The following SAA2 variants were observed in gnomAD, a reference collection of about 807,000 sequenced individuals.
The protein encoded by SAA2 is serum amyloid A2, also known as serum amyloid A-2 protein.
In SAA2, 5 loss-of-function variants were observed where a neutral mutation model predicts 9.1. The observed-to-expected ratio is 0.55, with a 90% CI of 0.29 to 1.16. SAA2 has a LOEUF of 1.16. Ranked by LOEUF, SAA2 falls within the 50% of genes most tolerant of loss-of-function variation. The probability of loss-of-function intolerance (pLI) is 0.09; values close to 1 mark genes in which losing one functional copy is unlikely to be tolerated. For synonymous variants in SAA2, 49 were observed against 59.8 expected, an observed-to-expected ratio of 0.82 and a Z score of 0.83; for missense variants, 94 against 153.8, an observed-to-expected ratio of 0.61 and a Z score of 2.06.
chr11:18,240,593 T>C (rs929728817), downstream of SAA2, among the ~76,000 whole-genome samples: 1 of 152,196 alleles, frequency 6.6e-6, no homozygotes, highest in Non-Finnish European at 1.5e-5. Context: ...AACCAACTGA[T>C]CTTTGACAAA....
chr11:18,243,706 C>T (rs1168311412), downstream of SAA2, among the ~76,000 whole-genome samples: 1 of 152,188 alleles, frequency 6.6e-6, no homozygotes, highest in African/African-American at 2.4e-5. Context: ...TATATCCATA[C>T]ATTTTCTTCC....
downstream of SAA2, among the ~76,000 whole-genome samples, chr11:18,240,571 C>T (rs959340484): frequency 2.6e-5 from 4 of 152,114 alleles, no homozygotes; most frequent in African/African-American, 9.7e-5. Context: ...AAAAATAAAA[C>T]CCCATACATA....
Position 18,245,359 on chromosome 11 carries a change from G to A in SAA2, c.*18C>T, listed in dbSNP as rs1182746350. ...GGCCTCATAGCCAGGTCTCCTGAGAGCAGAGTGAAGAGGAAGCTCAGTATT... is the reference window on the plus strand; with the variant it reads ...GGCCTCATAGCCAGGTCTCCTGAGAACAGAGTGAAGAGGAAGCTCAGTATT... On this transcript the variant is annotated 3_prime_UTR_variant, in exon 4 of 4. Transcript: ENST00000256733. 6.2e-7 allele frequency: 1 copy of A among 1,613,978 alleles called. No individual in the cohort carries two copies. Among genetic ancestry groups the A allele is most frequent in the Non-Finnish European group, 8.5e-7 (1 of 1,179,998 alleles).
downstream of SAA2, among the ~76,000 whole-genome samples, chr11:18,243,283 C>A (rs1233643082): frequency 6.6e-6 from 1 of 152,118 alleles, no homozygotes; most frequent in Non-Finnish European, 1.5e-5. Flanking sequence ...TCTACAAAGA[C>A]TAGACTTTGA....
chr11:18,242,016 C>CA (rs1231953013), downstream of SAA2: 1 of 152,134 alleles, frequency 6.6e-6, no homozygotes, highest in Admixed American at 6.5e-5. Flanking sequence ...TTAAAAATAA[C>CA]AAGCAGCTCA....
At position 18,245,481 on chromosome 11, in the gene SAA2, G is replaced by T. The variant is rs1266194288; in HGVS notation, c.265C>A (p.Arg89Ser). ...ARENIQRLTG[R>S]GAEDSLADQA... ...TCGGCCAGCGAGTCCTCCGCACCAC[G>T]GCCTGTGAGTCTCTGGATATTCTCT... The change falls in exon 4 of 4, where the codon CGT becomes AGT. Residue 89 changes from arginine to serine, a missense_variant. Arg to Ser is a moderately radical substitution (Grantham distance 110). Around this residue, in one of 2 missense-constraint regions of SAA2, gnomAD observed 62 missense variants for 58.3 expected, o/e 1.06. Coordinates refer to ENST00000256733, the MANE Select transcript of SAA2 (RefSeq NM_030754.5). The T allele has an allele frequency of 6.2e-7, 1 of 1,614,098 alleles. No homozygotes were observed. The highest frequency in any genetic ancestry group is 1.1e-5 in the South Asian group (1 of 91,078).
At chr11:18,242,903 C>T, downstream of SAA2, 1 of 673,944 alleles carries the variant, frequency 1.5e-6, no homozygotes. Context: ...ATTTCCCTTT[C>T]TCAAACTTTT....
chr11:18,241,401 A>C (rs1857342092), downstream of SAA2, among the ~76,000 whole-genome samples: 1 of 152,204 alleles, frequency 6.6e-6, no homozygotes, highest in African/African-American at 2.4e-5. Flanking sequence ...CCAAAGGAAA[A>C]TAGATCATTA....
At chr11:18,238,812 C>T (rs140297100), downstream of SAA2, among the ~76,000 whole-genome samples, 1 of 151,772 alleles carries the variant, frequency 6.6e-6, no homozygotes, top group Non-Finnish European at 1.5e-5. Context: ...TCACTCCCCC[C>T]CTCCCCACTA....
rs1407343676 is a variant in SAA2 at position 18,245,446 on chromosome 11, G to T, written c.300C>A (p.Ala100=). The T allele has an allele frequency of 3.1e-6, 5 of 1,614,082 alleles. No individual in the cohort carries two copies. The African/African-American group carries it at 4.0e-5, about 13-fold the overall frequency. The stretch of plus-strand genomic sequence containing the variant: ...CTCTGCCACTCCTGCCCCATTTATT[G>T]GCAGCCTGATCGGCCAGCGAGTCCT... The part of the protein sequence containing the change: ...GAEDSLADQA[A]NKWGRSGRDP... Residue 100 remains alanine, a synonymous_variant, in exon 4 of 4, where the codon GCC becomes GCA. Coordinates refer to ENST00000256733, the MANE Select transcript of SAA2 (RefSeq NM_030754.5).
At chr11:18,242,202 C>T (rs571544935), downstream of SAA2, 1 of 152,242 alleles carries the variant, frequency 6.6e-6, no homozygotes, top group Admixed American at 6.5e-5. Flanking sequence ...GCTGAGAAGT[C>T]CCACGATCTG....
intron 2 of SAA2, among the ~76,000 whole-genome samples, chr11:18,246,636 A>G (rs1857555912): frequency 6.6e-6 from 1 of 152,052 alleles, no homozygotes. Flanking sequence ...GGTTCAAGTG[A>G]TTTTCCTGCT....
chr11:18,239,998 A>G, intron 3 of SAA2: 1 of 1,550,530 alleles, frequency 6.4e-7, no homozygotes, highest in Non-Finnish European at 8.7e-7. Context: ...TAGGAGAAAA[A>G]GTCATATACA....
At chr11:18,240,192 T>C (rs1207802313) in intron 3 of SAA2, 1 of 718,984 alleles carries the variant, frequency 1.4e-6, no homozygotes, top group African/African-American at 1.7e-5. Context: ...AATTAACCTG[T>C]AAATGATTCT....
intron 2 of SAA2, among the ~76,000 whole-genome samples, chr11:18,246,397 T>A (rs113180020): frequency 6.6e-5 from 10 of 152,296 alleles, no homozygotes; most frequent in African/African-American, 1.9e-4. Context: ...ATGGAATACA[T>A]GTCATTGTGA....
At chr11:18,244,358 C>G (rs1406026931), downstream of SAA2, among the ~76,000 whole-genome samples, 1 of 152,168 alleles carries the variant, frequency 6.6e-6, no homozygotes, top group African/African-American at 2.4e-5. Context: ...GCTGCATTCC[C>G]AGAGTTAAGT....
rs183349434 is a variant in SAA2, at chr11:18,248,255, G to A, written c.-4-240C>T. 3,077 of 405,786 alleles carry A rather than the reference G, an allele frequency of 7.6e-3. 102 individuals are homozygous for A. Among genetic ancestry groups the A allele is most frequent in the African/African-American group, 0.056 (2,788 of 50,152 alleles). The allele number at this position is 405,786 out of a possible 1,614,324, so 25.1% of individuals were successfully genotyped here. A position where few individuals can be genotyped will look rare whatever the true frequency, so the allele number is the denominator to read the frequency against. On this transcript the variant is annotated intron_variant, in intron 1 of 3. Transcript: ENST00000256733. Reference sequence around the variant, plus strand: ...ATGTGGCACTGATGGAGGAAGGCAGGAGTTACCACCAGACTGTCACTCCCT... The same window carrying A: ...ATGTGGCACTGATGGAGGAAGGCAGAAGTTACCACCAGACTGTCACTCCCT...
chr11:18,245,361 A>G lies in SAA2; in HGVS notation c.*16T>C, dbSNP rs753192480. On this transcript the variant is annotated 3_prime_UTR_variant, in exon 4 of 4. Transcript: ENST00000256733. ...CCTCATAGCCAGGTCTCCTGAGAGC[A>G]GAGTGAAGAGGAAGCTCAGTATTTC... 47 of 1,613,894 alleles carry G rather than the reference A, an allele frequency of 2.9e-5. No individual in the cohort carries two copies. The South Asian group carries it at 5.1e-4, about 17-fold the overall frequency.
chr11:18,242,780 G>A (rs895953463), downstream of SAA2: 52 of 701,326 alleles, frequency 7.4e-5, no homozygotes, highest in Admixed American at 1.0e-4. Flanking sequence ...CCGGGAGGTC[G>A]AGGTTGCAGT....
Sources: gnomAD v4.1 joint callset for allele counts (sites outside exome capture counted in the v4.1 genomes callset) on GRCh38, gnomAD v4.1.1 for gene constraint, gnomAD v4.1.1 regional missense constraint, MANE v1.5 for transcripts, NCBI Gene and HGNC (gene_info 2026-07-23, HGNC 2026-07-21) for gene names.